The following EHBP1 variants were observed in gnomAD, a reference collection of about 807,000 sequenced individuals.
EHBP1 encodes the protein EH domain binding protein 1.
In EHBP1, 55 loss-of-function variants were observed where a neutral mutation model predicts 144.0. That is an observed-to-expected ratio of 0.38 (90% CI 0.31 to 0.48). EHBP1 has a LOEUF of 0.48. Ranked by LOEUF, EHBP1 falls within the 20% of genes least tolerant of loss-of-function variation. The probability of loss-of-function intolerance (pLI) is 0.98; values close to 1 mark genes in which losing one functional copy is unlikely to be tolerated. For synonymous variants in EHBP1, 469 were observed against 472.7 expected (o/e 0.99, Z 0.10); for missense variants, 1,200 against 1,364.2 (o/e 0.88, Z 1.90).
intron 7 of EHBP1, among the ~76,000 whole-genome samples, chr2:62,839,588 A>C (rs1476853972): frequency 6.7e-6 from 1 of 150,096 alleles, no homozygotes; most frequent in Admixed American, 6.7e-5. Flanking sequence ...TATATCTAGA[A>C]AACCCCATCG....
chr2:62,909,424 C>T (rs974708945), intron 10 of EHBP1, among the ~76,000 whole-genome samples: 1 of 152,176 alleles, frequency 6.6e-6, no homozygotes, highest in Admixed American at 6.5e-5. Flanking sequence ...CTGAAGTGAT[C>T]CACCCGCCTT....
chr2:62,811,577 A>T (rs947677816), intron 5 of EHBP1, among the ~76,000 whole-genome samples: 2 of 152,230 alleles, frequency 1.3e-5, no homozygotes, highest in African/African-American at 4.8e-5. Context: ...TAGTCTTGAT[A>T]GTATAGCATG....
intron 19 of EHBP1, among the ~76,000 whole-genome samples, chr2:63,026,720 G>A (rs1447726636): frequency 6.6e-6 from 1 of 152,210 alleles, no homozygotes; most frequent in African/African-American, 2.4e-5. Context: ...AACAGGTCTC[G>A]TCTAGGCATC....
intron 3 of EHBP1, among the ~76,000 whole-genome samples, chr2:62,761,254 C>G (rs1451236580): frequency 6.6e-6 from 1 of 151,960 alleles, no homozygotes; most frequent in African/African-American, 2.4e-5. Flanking sequence ...AGAGAAATCT[C>G]TGGAGAGATG....
intron 14 of EHBP1, among the ~76,000 whole-genome samples, chr2:62,966,284 C>G (rs2058243908): frequency 6.6e-6 from 1 of 151,724 alleles, no homozygotes; most frequent in African/African-American, 2.4e-5. Context: ...TAGATTTTTT[C>G]CCCCTATTTC....
chr2:62,770,740 A>G lies in EHBP1; in HGVS notation c.259-599A>G, dbSNP rs146334009. Among the ~76,000 whole-genome samples, 403 of 152,342 alleles carry G rather than the reference A, an allele frequency of 2.6e-3. 2 individuals carry two copies. Among genetic ancestry groups the G allele is most frequent in the African/African-American group, 9.0e-3 (375 of 41,576 alleles). ...CATTGCAGCACTATTCACAGTAGCA[A>G]AGACATGGAATCAACCTAAATGCCC... On this transcript the variant is annotated intron_variant, in intron 4 of 22. Transcript: ENST00000431489.
chr2:62,862,791 T>A (rs1363328755), intron 8 of EHBP1, among the ~76,000 whole-genome samples: 3 of 152,360 alleles, frequency 2.0e-5, no homozygotes, highest in African/African-American at 7.2e-5. Flanking sequence ...TTAAAATTAC[T>A]TTTAATGCAC....
intron 10 of EHBP1, among the ~76,000 whole-genome samples, chr2:62,884,267 A>G (rs965326691): frequency 6.6e-6 from 1 of 152,184 alleles, no homozygotes; most frequent in African/African-American, 2.4e-5. Context: ...TTCAAACCTT[A>G]TACATGTACT....
chr2:62,910,445 T>G (rs757385694), intron 10 of EHBP1, among the ~76,000 whole-genome samples: 47 of 152,202 alleles, frequency 3.1e-4, no homozygotes, highest in Admixed American at 1.6e-3. Context: ...TAAACCATCG[T>G]GTTAAATTTT....
intron 5 of EHBP1, among the ~76,000 whole-genome samples, chr2:62,818,340 T>G (rs538486877): frequency 1.3e-5 from 2 of 152,182 alleles, no homozygotes; most frequent in African/African-American, 4.8e-5. Flanking sequence ...GTATTTTTAC[T>G]GCACCTTTTC....
chr2:62,854,251 T>C (rs1286809021), intron 7 of EHBP1, among the ~76,000 whole-genome samples: 1 of 152,236 alleles, frequency 6.6e-6, no homozygotes, highest in Non-Finnish European at 1.5e-5. Context: ...TCCAGGCCAT[T>C]AAAGCTTTCT....
At chr2:62,894,088 A>G (rs763699800) in intron 10 of EHBP1, among the ~76,000 whole-genome samples, 1 of 152,012 alleles carries the variant, frequency 6.6e-6, no homozygotes. Context: ...CATCTGGGAC[A>G]TGCCTGACCT....
chr2:62,725,936 G>T lies in EHBP1; in HGVS notation c.104+18641G>T, dbSNP rs1390811921. On this transcript the variant is annotated intron_variant, in intron 2 of 22. Coordinates refer to ENST00000431489, the MANE Select transcript of EHBP1 (RefSeq NM_001142616.3). ...CTGTTGCTAGCATAGGAGCTAAGTT[G>T]TGGGCCCCTAGGGCGCTCAAGGCTT... is the stretch of plus-strand genomic sequence containing the variant. Among the ~76,000 whole-genome samples the T allele has an allele frequency of 3.3e-5, 5 of 152,058 alleles. No individual in the cohort carries two copies. In the East Asian group the frequency reaches 9.7e-4, roughly 29 times the overall value.
At chr2:62,827,868 C>T (rs1227022324) in intron 6 of EHBP1, among the ~76,000 whole-genome samples, 3 of 152,190 alleles carry the variant, frequency 2.0e-5, no homozygotes, top group African/African-American at 2.4e-5. Context: ...GGTGTTTCAC[C>T]ATGTTGGCCA....
chr2:62,708,999 T>C (rs2034864252), intron 2 of EHBP1, among the ~76,000 whole-genome samples: 1 of 152,174 alleles, frequency 6.6e-6, no homozygotes, highest in Admixed American at 6.5e-5. Flanking sequence ...GGGATTATTC[T>C]GTAGGTGATA....
intron 10 of EHBP1, among the ~76,000 whole-genome samples, chr2:62,925,906 A>T (rs1468527730): frequency 2.0e-5 from 3 of 152,034 alleles, no homozygotes; most frequent in Non-Finnish European, 4.4e-5. Context: ...AATAAAAAAC[A>T]GAATTTATAT....
chr2:62,780,918 C>T (rs531216570), intron 5 of EHBP1, among the ~76,000 whole-genome samples: 1 of 152,140 alleles, frequency 6.6e-6, no homozygotes, highest in South Asian at 2.1e-4. Flanking sequence ...GGAGATTATT[C>T]GTCTTTATTG....
intron 1 of EHBP1, among the ~76,000 whole-genome samples, chr2:62,696,816 C>CT (rs963429132): frequency 6.6e-6 from 1 of 152,078 alleles, no homozygotes; most frequent in Non-Finnish European, 1.5e-5. Flanking sequence ...CACGCCTGAC[C>CT]TTTTTTTCTT....
At chr2:62,840,037 C>A (rs1262185791) in intron 7 of EHBP1, among the ~76,000 whole-genome samples, 1 of 152,090 alleles carries the variant, frequency 6.6e-6, no homozygotes, top group Admixed American at 6.5e-5. Flanking sequence ...CCAAGACAAT[C>A]CTAAGCCAAA....
Sources: gnomAD v4.1 joint callset for allele counts (sites outside exome capture counted in the v4.1 genomes callset) on GRCh38, gnomAD v4.1.1 for gene constraint, MANE v1.5 for transcripts, NCBI Gene and HGNC (gene_info 2026-07-23, HGNC 2026-07-21) for gene names.